Variants in SOHLH1 observed in about 807,000 individuals in gnomAD.
The protein encoded by SOHLH1 is spermatogenesis- and oogenesis-specific basic helix-loop-helix-containing protein 1.
SOHLH1 carries 23 observed loss-of-function variants against 36.2 expected under a neutral mutation model. That is an observed-to-expected ratio of 0.64 (90% CI 0.46 to 0.90). SOHLH1 has a LOEUF of 0.90. SOHLH1 is among the 40% of genes least tolerant of loss of function. SOHLH1 has a pLI of 0.00. For missense variants in SOHLH1, 608 were observed against 517.0 expected, an observed-to-expected ratio of 1.18 and a Z score of -1.71; for synonymous variants, 289 against 228.3, an observed-to-expected ratio of 1.27 and a Z score of -2.40.
At chr9:135,694,050 C>T in intron 7 of SOHLH1, 11 of 1,427,000 alleles carry the variant, frequency 7.7e-6, no homozygotes, top group East Asian at 2.5e-5. Context: ...ATGGAATGGA[C>T]ACACGCCATG....
At chr9:135,701,561 T>A (rs1186024771), upstream of SOHLH1, among the ~76,000 whole-genome samples, 1 of 152,230 alleles carries the variant, frequency 6.6e-6, no homozygotes, top group Non-Finnish European at 1.5e-5. Flanking sequence ...GTCTTTGGCC[T>A]GCAGCATCTT....
chr9:135,694,984 G>T, intron 6 of SOHLH1, 66 bp downstream of exon 6: 2 of 1,477,140 alleles, frequency 1.4e-6, no homozygotes, highest in Non-Finnish European at 9.2e-7. Context: ...GGGAGGAGGT[G>T]GGACAGGCTC....
intron 1 of SOHLH1, 93 bp from the exon 2 acceptor site, chr9:135,699,219 G>C: frequency 6.5e-7 from 1 of 1,541,422 alleles, no homozygotes; most frequent in Non-Finnish European, 8.8e-7. Context: ...TGGGGTGCGG[G>C]TGGAAGCCAA....
In SOHLH1 at chr9:135,693,493, G is replaced by A. The variant is rs1834670980; in HGVS notation, c.*104C>T. The stretch of plus-strand genomic sequence containing the variant: ...CTGTAAGCCTCGCTCAAATTAGGGT[G>A]CAGCTGCAACCCAAACCCAAAATAA... On this transcript the variant is annotated 3_prime_UTR_variant, in exon 8 of 8. Transcript: ENST00000425225. 1 of 1,411,444 alleles carries A rather than the reference G, an allele frequency of 7.1e-7. No individual in the cohort carries two copies. Among genetic ancestry groups the A allele is most frequent in the Non-Finnish European group, 9.5e-7 (1 of 1,056,136 alleles). 87.4% of individuals were successfully genotyped at this position (1,411,444 alleles called of 1,614,324 possible).
In SOHLH1 at chr9:135,695,018, C is replaced by T. The variant is rs2131286983; in HGVS notation, c.875+32G>A. 5 of 1,564,180 alleles carry T rather than the reference C, an allele frequency of 3.2e-6. 1 individual carries two copies. The highest frequency in any genetic ancestry group is 2.4e-5 in the East Asian group (1 of 42,092). On this transcript the variant is annotated intron_variant, in intron 6 of 7. Coordinates refer to ENST00000425225, the MANE Select transcript of SOHLH1 (RefSeq NM_001101677.2). ...TCACACACACATGCTCGCTCACGCACACACAGGCGTGCACACCACCTGGGC... is the reference window on the plus strand; with the variant it reads ...TCACACACACATGCTCGCTCACGCATACACAGGCGTGCACACCACCTGGGC...
In SOHLH1 at chr9:135,699,097, C is replaced by T. The variant is rs1834931561; in HGVS notation, c.95G>A (p.Cys32Tyr). ...GCCCGAGCCCCGGGCCGAGTCCTCG[C>T]AGCAGGAGAGGGCACCAGACAGGGA... ...NGSLSGALSC[C>Y]EDSARGSGPP... Residue 32 changes from cysteine (C) to tyrosine (Y), a missense_variant, in exon 2 of 8, where the codon TGC becomes TAC. Cys to Tyr is a radical substitution (Grantham distance 194, BLOSUM62 -2). Transcript: ENST00000425225. 2 of 1,608,190 alleles carry T rather than the reference C, an allele frequency of 1.2e-6. No individual in the cohort carries two copies. Among genetic ancestry groups the T allele is most frequent in the Non-Finnish European group, 1.7e-6 (2 of 1,179,010 alleles).
upstream of SOHLH1, among the ~76,000 whole-genome samples, chr9:135,700,542 C>T (rs978451790): frequency 1.3e-5 from 2 of 152,030 alleles, no homozygotes; most frequent in South Asian, 4.2e-4. Flanking sequence ...GGCTCTCCTC[C>T]CGAGAGGGGA....
At chr9:135,695,344 T>A in intron 5 of SOHLH1, 81 bp from the exon 6 acceptor site, 1 of 1,362,362 alleles carries the variant, frequency 7.3e-7, no homozygotes, top group Non-Finnish European at 1.0e-6. Flanking sequence ...ACTCACGGGC[T>A]CGGTCCACTC....
intron 6 of SOHLH1, 42 bp downstream of exon 6, chr9:135,694,990 GGCTCACACACACATGCTC>G: frequency 6.7e-7 from 1 of 1,500,812 alleles, no homozygotes; most frequent in Non-Finnish European, 9.0e-7. Context: ...AGGTGGGACA[GGCTCACACACACATGCTC>G]GCTCACGCAC....
intron 7 of SOHLH1, 92 bp downstream of exon 7, chr9:135,694,295 C>A (rs1170013817): frequency 6.3e-7 from 1 of 1,596,090 alleles, no homozygotes; most frequent in East Asian, 2.3e-5. Flanking sequence ...CCCTGGGGCC[C>A]CCTGACACAC....
At chr9:135,702,074 C>T (rs1031144153), upstream of SOHLH1, 1 of 551,726 alleles carries the variant, frequency 1.8e-6, no homozygotes, top group Non-Finnish European at 3.1e-6. Context: ...CCAGAGCCGC[C>T]GCGGGTCCCG....
intron 2 of SOHLH1, 52 bp downstream of exon 2, chr9:135,698,943 C>T: frequency 6.2e-7 from 1 of 1,610,332 alleles, no homozygotes; most frequent in Non-Finnish European, 8.5e-7. Context: ...CATAATCTCA[C>T]CCGCTCCACC....
At chr9:135,693,915 T>C (rs1834689240) in intron 7 of SOHLH1, 101 bp from the exon 8 acceptor site, 1 of 1,467,008 alleles carries the variant, frequency 6.8e-7, no homozygotes, top group Non-Finnish European at 9.0e-7. Context: ...TCAGTCCGTC[T>C]GCCCTGCCCT....
chr9:135,699,439 G>A lies in SOHLH1; in HGVS notation c.29C>T (p.Pro10Leu), dbSNP rs376998035. The A allele has an allele frequency of 8.7e-6, 14 of 1,612,140 alleles. No individual in the cohort carries two copies. The highest frequency in any genetic ancestry group is 8.0e-5 in the African/African-American group (6 of 74,884). The change falls in exon 1 of 8, where the codon CCG becomes CTG. Residue 10 changes from proline to leucine, a missense_variant. Transcript: ENST00000425225. ...GACGGTAGGGATTCTGGAGACCTCC[G>A]GGTAGGGCTCGGAGCACCGGGACGC... is the stretch of plus-strand genomic sequence containing the variant. MASRCSEPY[P>L]EVSRIPTVRG...
chr9:135,698,597 T>C (rs1834904662), intron 2 of SOHLH1, 121 bp from the exon 3 acceptor site: 5 of 1,421,594 alleles, frequency 3.5e-6, no homozygotes, highest in South Asian at 1.2e-5. Context: ...GGCTACAAGA[T>C]GACTCAGAGC....
In SOHLH1 at chr9:135,695,131, C is replaced by T. The variant is rs1202965447; in HGVS notation, c.794G>A (p.Gly265Asp). Residue 265 changes from glycine (G) to aspartate (D), a missense_variant, in exon 6 of 8, where the codon GGC (glycine) becomes GAC (aspartate). Gly to Asp is a moderately conservative substitution (Grantham distance 94). Transcript: ENST00000425225. ...VMSGEALGWL[G>D]QAGPLAMGAA... ...CCCCATGGCCAGGGGCCCAGCCTGG[C>T]CCAGCCAGCCAAGGGCCTCCCCGCT... 3 of 1,597,878 alleles carry T rather than the reference C, an allele frequency of 1.9e-6. No individual in the cohort carries two copies. The highest frequency in any genetic ancestry group is 1.1e-5 in the South Asian group (1 of 88,508).
rs766852992 is a variant in SOHLH1 at position 135,698,346 on chromosome 9, T to A, written c.328A>T (p.Ser110Cys). 6.2e-7 allele frequency: 1 copy of A among 1,612,848 alleles called. No homozygotes were observed. The highest frequency in any genetic ancestry group is 8.5e-7 in the Non-Finnish European group (1 of 1,180,024). ...FLRLASALGP[S>C]QEQHAILASS... The stretch of plus-strand genomic sequence containing the variant: ...CAACTCACAGCGTGCTGCTCCTGAC[T>A]GGGCCCCAGGGCGCTGGCAAGCCGC... Residue 110 changes from serine to cysteine, a missense_variant, in exon 3 of 8, where the codon AGT (serine) becomes TGT (cysteine). Coordinates refer to ENST00000425225, the MANE Select transcript of SOHLH1 (RefSeq NM_001101677.2).
rs201305994 is a variant in SOHLH1, at chr9:135,696,631, A to G, written c.642T>C (p.Gly214=). Residue 214 remains glycine, a synonymous_variant, in exon 5 of 8, where the codon GGT becomes GGC. Coordinates refer to ENST00000425225, the MANE Select transcript of SOHLH1 (RefSeq NM_001101677.2). ...EALLGLCQVR[G]GLPPFSEPSS... ...ACTCACCTGAGAAAGGGGGCAGCCC[A>G]CCCCGCACCTGGCACAGCCCCAACA... 6.2e-7 allele frequency: 1 copy of G among 1,612,226 alleles called. No individual in the cohort carries two copies. The highest frequency in any genetic ancestry group is 2.2e-5 in the East Asian group (1 of 44,858).
upstream of SOHLH1, among the ~76,000 whole-genome samples, chr9:135,701,304 G>A (rs947001210): frequency 3.3e-5 from 5 of 152,166 alleles, no homozygotes; most frequent in African/African-American, 1.2e-4. Context: ...AGAGACACTG[G>A]GGAGGCCAGG....
Sources: gnomAD v4.1 joint callset for allele counts (sites outside exome capture counted in the v4.1 genomes callset) on GRCh38, gnomAD v4.1.1 for gene constraint, MANE v1.5 for transcripts, NCBI Gene and HGNC (gene_info 2026-07-23, HGNC 2026-07-21) for gene names.